The following SLCO3A1 variants were observed in gnomAD, a reference collection of about 807,000 sequenced individuals.
SLCO3A1 encodes PGE1 transporter.
In SLCO3A1, 27 loss-of-function variants were observed where a neutral mutation model predicts 63.1. That is an observed-to-expected ratio of 0.43 (90% CI 0.32 to 0.59). The LOEUF (loss-of-function observed/expected upper bound fraction) is 0.59. Among genes scored for constraint, SLCO3A1 ranks in the 20% least tolerant of loss-of-function variants. SLCO3A1 has a pLI of 0.09. For missense variants in SLCO3A1, 773 were observed against 945.8 expected, an observed-to-expected ratio of 0.82 and a Z score of 2.40; for synonymous variants, 473 against 409.9, an observed-to-expected ratio of 1.15 and a Z score of -1.86.
chr15:91,936,393 A>G (rs1465270304), intron 2 of SLCO3A1, among the ~76,000 whole-genome samples: 1 of 152,208 alleles, frequency 6.6e-6, no homozygotes, highest in African/African-American at 2.4e-5. Context: ...TCAGTTCCTC[A>G]TTTGCACTAG....
At chr15:91,971,277 C>T (rs1242005340) in intron 2 of SLCO3A1, among the ~76,000 whole-genome samples, 1 of 151,308 alleles carries the variant, frequency 6.6e-6, no homozygotes, top group Non-Finnish European at 1.5e-5. Flanking sequence ...TGCCTGTAGT[C>T]CCAGCTACTC....
Position 91,859,883 on chromosome 15 carries a change from A to T in SLCO3A1, c.180+5795A>T, listed in dbSNP as rs1247620029. On this transcript the variant is annotated intron_variant, in intron 1 of 9. Coordinates refer to ENST00000318445, the MANE Select transcript of SLCO3A1 (RefSeq NM_013272.4). This position sits in a 1 kb window ranked among gnomAD's most constrained non-coding sequence, Gnocchi z 5.1. Reference sequence around the variant, plus strand: ...AATAAAATTATTTCAATTAAACTTTAGTTTTGGTTTAGTGAATTGCATATT... The same window carrying T: ...AATAAAATTATTTCAATTAAACTTTTGTTTTGGTTTAGTGAATTGCATATT... Among the ~76,000 whole-genome samples, 1 of 152,180 alleles carries T rather than the reference A, an allele frequency of 6.6e-6. No homozygotes were observed. Among genetic ancestry groups the T allele is most frequent in the African/African-American group, 2.4e-5 (1 of 41,442 alleles).
Position 92,037,631 on chromosome 15 carries a change from A to G in SLCO3A1, c.647-57250A>G, listed in dbSNP as rs116160910. On this transcript the variant is annotated intron_variant, in intron 2 of 9. Transcript: ENST00000318445. ...ATTTCTATAACACCAGGTTTGCATT[A>G]CTAAAAAGCATGCTTTCACTTTATC... Among the ~76,000 whole-genome samples the G allele has an allele frequency of 3.0e-3, 459 of 152,330 alleles. 1 individual carries two copies. Among genetic ancestry groups the G allele is most frequent in the African/African-American group, 0.011 (445 of 41,572 alleles).
rs777938638 is a variant in SLCO3A1, at chr15:92,147,876, T to TAACA, written c.1688+718_1688+721dup. 2.2e-4 allele frequency among the ~76,000 whole-genome samples: 33 copies of TAACA among 152,316 alleles called. No individual in the cohort carries two copies. The East Asian group carries it at 6.0e-3, about 28-fold the overall frequency. ...TTGTGTTGGAAACCCAGAAGTGAAC[T>TAACA]AACACATAGGCTGCCATTCATCTGA... On this transcript the variant is annotated intron_variant, in intron 8 of 9. Transcript: ENST00000318445.
intron 4 of SLCO3A1, among the ~76,000 whole-genome samples, chr15:92,108,655 A>G (rs909074011): frequency 1.3e-5 from 2 of 152,214 alleles, no homozygotes; most frequent in Non-Finnish European, 2.9e-5. Flanking sequence ...CTTGATGGAC[A>G]TGACGAGGGT....
At chr15:92,084,126 G>T (rs1023539314) in intron 2 of SLCO3A1, among the ~76,000 whole-genome samples, 2 of 152,146 alleles carry the variant, frequency 1.3e-5, no homozygotes, top group Non-Finnish European at 2.9e-5. Context: ...AATGATAAAC[G>T]CATATGAAGA....
rs1567157368 is a variant in SLCO3A1, at chr15:92,163,568, AC to A, written c.*436del. 20 of 979,188 alleles carry A rather than the reference AC, an allele frequency of 2.0e-5. No homozygotes were observed. The highest frequency in any genetic ancestry group is 2.3e-5 in the Non-Finnish European group (19 of 825,514). The allele number at this position is 979,188 out of a possible 1,614,324, so 60.7% of individuals were successfully genotyped here. On this transcript the variant is annotated 3_prime_UTR_variant, in exon 10 of 10. Transcript: ENST00000318445. ...AAATAAAAAAAATTAAAAAAAAAAA[AC>A]CCACAAGTTGAAAACATTGCCAGAT...
chr15:92,015,376 G>A (rs2046414014), intron 2 of SLCO3A1, among the ~76,000 whole-genome samples: 2 of 152,110 alleles, frequency 1.3e-5, no homozygotes, highest in Admixed American at 6.5e-5. Flanking sequence ...CGAAGAAGAA[G>A]CAAGTACCTT....
At chr15:91,992,447 A>G (rs920808011) in intron 2 of SLCO3A1, among the ~76,000 whole-genome samples, 4 of 152,138 alleles carry the variant, frequency 2.6e-5, no homozygotes, top group Non-Finnish European at 5.9e-5. Context: ...CCCTGACTAC[A>G]TGATTTGTGT....
At chr15:91,870,117 C>A (rs181077234) in intron 1 of SLCO3A1, among the ~76,000 whole-genome samples, 22 of 152,230 alleles carry the variant, frequency 1.4e-4, no homozygotes, top group African/African-American at 5.1e-4. Context: ...CTGTTAATTT[C>A]CAGAAGGTGG....
At chr15:91,958,434 C>CGCGTTTG (rs1448003260) in intron 2 of SLCO3A1, among the ~76,000 whole-genome samples, 1 of 152,170 alleles carries the variant, frequency 6.6e-6, no homozygotes, top group African/African-American at 2.4e-5. Context: ...TGGGCAGCCC[C>CGCGTTTG]GCGTTTGAAT....
intron 2 of SLCO3A1, among the ~76,000 whole-genome samples, chr15:91,958,115 G>C (rs1422326720): frequency 6.6e-6 from 1 of 152,124 alleles, no homozygotes; most frequent in Non-Finnish European, 1.5e-5. Flanking sequence ...TAGGAATATT[G>C]AAAAAATTAA....
chr15:92,033,431 G>A lies in SLCO3A1; in HGVS notation c.647-61450G>A, dbSNP rs376908706. On this transcript the variant is annotated intron_variant, in intron 2 of 9. Transcript: ENST00000318445. The surrounding 1 kb of genome is among the most constrained non-coding windows in gnomAD (Gnocchi z 4.5). ...TTAGTGGAGAAGTAACGATGTTCAC[G>A]CTTGGGCAGCTGGATGGACACGTCG... Among the ~76,000 whole-genome samples, 1 of 152,166 alleles carries A rather than the reference G, an allele frequency of 6.6e-6. No individual in the cohort carries two copies. Among genetic ancestry groups the A allele is most frequent in the Admixed American group, 6.5e-5 (1 of 15,278 alleles).
At chr15:91,926,607 A>G (rs4321175) in intron 2 of SLCO3A1, among the ~76,000 whole-genome samples, 82,346 of 134,828 alleles carry the variant, frequency 0.61, 24,127 homozygotes, top group East Asian at 0.89. Flanking sequence ...GCGCGCGCGC[A>G]CGCCCATGCT....
At chr15:91,893,606 T>G (rs1897929898) in intron 1 of SLCO3A1, among the ~76,000 whole-genome samples, 1 of 152,180 alleles carries the variant, frequency 6.6e-6, no homozygotes, top group Non-Finnish European at 1.5e-5. Flanking sequence ...CTCCTAATAC[T>G]ATCACATTGG....
At chr15:91,890,198 A>G (rs1231552546) in intron 1 of SLCO3A1, among the ~76,000 whole-genome samples, 1 of 152,218 alleles carries the variant, frequency 6.6e-6, no homozygotes, top group African/African-American at 2.4e-5. Flanking sequence ...AACTTGAATT[A>G]TATAGTTAAT....
chr15:91,942,570 AATGT>A lies in SLCO3A1; in HGVS notation c.646+26117_646+26120del, dbSNP rs1899658966. 6.6e-6 allele frequency among the ~76,000 whole-genome samples: 1 copy of A among 150,880 alleles called. No individual in the cohort carries two copies. Among genetic ancestry groups the A allele is most frequent in the Non-Finnish European group, 1.5e-5 (1 of 67,520 alleles). The stretch of plus-strand genomic sequence containing the variant: ...TGTTTTGCAACAGAACTCTGCTGGA[AATGT>A]ATGTTTGTTTGTTTGTTTGTTTGTT... On this transcript the variant is annotated intron_variant, in intron 2 of 9. Transcript: ENST00000318445. This position sits in a 1 kb window ranked among gnomAD's most constrained non-coding sequence, Gnocchi z 4.1.
Position 92,164,158 on chromosome 15 carries a change from G to A in SLCO3A1, c.*1023G>A, listed in dbSNP as rs867526531. Reference sequence around the variant, plus strand: ...AGTCACTAACACAGTTCTCTAGGCCGGATTTATTATGCTGGTTGCTTTTAC... The same window carrying A: ...AGTCACTAACACAGTTCTCTAGGCCAGATTTATTATGCTGGTTGCTTTTAC... On this transcript the variant is annotated 3_prime_UTR_variant, in exon 10 of 10. Transcript: ENST00000318445. 5.0e-5 allele frequency: 49 copies of A among 984,726 alleles called. No homozygotes were observed. The Admixed American group carries it at 1.4e-3, about 27-fold the overall frequency. The allele number at this position is 984,726 out of a possible 1,614,324, so 61.0% of individuals were successfully genotyped here.
chr15:91,941,342 A>G lies in SLCO3A1; in HGVS notation c.646+24884A>G, dbSNP rs1899613794. On this transcript the variant is annotated intron_variant, in intron 2 of 9. Transcript: ENST00000318445. This position sits in a 1 kb window ranked among gnomAD's most constrained non-coding sequence, Gnocchi z 4.4. The stretch of plus-strand genomic sequence containing the variant: ...TGAATCAGTGCATGAGTGACCAGCT[A>G]GGACTGAGCCCAAAGACCTGAGATT... The G allele has an allele frequency of 8.3e-6, 3 of 361,338 alleles. No homozygotes were observed. The highest frequency in any genetic ancestry group is 1.6e-5 in the Non-Finnish European group (3 of 184,386). 22.4% of individuals were successfully genotyped at this position (361,338 alleles called of 1,614,324 possible). A position where few individuals can be genotyped will look rare whatever the true frequency, so the allele number is the denominator to read the frequency against.
Sources: gnomAD v4.1 joint callset for allele counts (sites outside exome capture counted in the v4.1 genomes callset) on GRCh38, gnomAD v4.1.1 for gene constraint, Gnocchi (gnomAD v3.1) non-coding constraint, MANE v1.5 for transcripts, NCBI Gene and HGNC (gene_info 2026-07-23, HGNC 2026-07-21) for gene names.